PKNOX2: variants seen among roughly 807,000 people sequenced by gnomAD.
PKNOX2 encodes homeobox protein PKNOX2.
In PKNOX2, 14 loss-of-function variants were observed where a neutral mutation model predicts 53.1. That is an observed-to-expected ratio of 0.26 (90% confidence interval 0.17 to 0.41). The LOEUF is 0.41. PKNOX2 is among the 10% of genes least tolerant of loss of function. The pLI is 1.00. For missense variants in PKNOX2, 496 were observed against 602.8 expected, an observed-to-expected ratio of 0.82 and a Z score of 1.85; for synonymous variants, 257 against 242.8, an observed-to-expected ratio of 1.06 and a Z score of -0.54.
chr11:125,222,424 C>G (rs1396008320), intron 1 of PKNOX2, among the ~76,000 whole-genome samples: 2 of 151,940 alleles, frequency 1.3e-5, no homozygotes, highest in Non-Finnish European at 2.9e-5. Flanking sequence ...TTAGTTGAAC[C>G]CTGAATGATT....
At chr11:125,316,833 T>G (rs1949227085) in intron 2 of PKNOX2, among the ~76,000 whole-genome samples, 1 of 152,210 alleles carries the variant, frequency 6.6e-6, no homozygotes, top group Admixed American at 6.5e-5. Context: ...TGGCAATTTC[T>G]TAAAATAAGA....
intron 2 of PKNOX2, among the ~76,000 whole-genome samples, chr11:125,312,231 A>T (rs765278045): frequency 3.3e-5 from 5 of 152,216 alleles, no homozygotes; most frequent in Non-Finnish European, 7.3e-5. Context: ...GTTCAGTATG[A>T]TCGGGTCCCC....
At chr11:125,246,902 C>T (rs1336450447) in intron 2 of PKNOX2, among the ~76,000 whole-genome samples, 1 of 152,164 alleles carries the variant, frequency 6.6e-6, no homozygotes, top group African/African-American at 2.4e-5. Flanking sequence ...TCTCTCCTCC[C>T]TCTCTCATCA....
At chr11:125,364,765 C>G (rs1036896938) in intron 4 of PKNOX2, among the ~76,000 whole-genome samples, 3 of 152,184 alleles carry the variant, frequency 2.0e-5, no homozygotes, top group African/African-American at 7.2e-5. Flanking sequence ...TACTACACAT[C>G]GTCAAATTCG....
At chr11:125,258,250 T>G (rs1014505625) in intron 2 of PKNOX2, among the ~76,000 whole-genome samples, 1 of 151,952 alleles carries the variant, frequency 6.6e-6, no homozygotes, top group Non-Finnish European at 1.5e-5. Context: ...AAACCATAAC[T>G]TTTTCCCCCT....
intron 4 of PKNOX2, among the ~76,000 whole-genome samples, chr11:125,357,621 G>A (rs1051412146): frequency 1.3e-5 from 2 of 152,134 alleles, no homozygotes; most frequent in Admixed American, 6.5e-5. Context: ...TACATGCTCT[G>A]CCTGCCTTTC....
intron 2 of PKNOX2, among the ~76,000 whole-genome samples, chr11:125,293,789 T>C (rs535956497): frequency 6.7e-6 from 1 of 149,570 alleles, no homozygotes; most frequent in Non-Finnish European, 1.5e-5. Context: ...ACAGACACGC[T>C]CACACACACA....
intron 2 of PKNOX2, among the ~76,000 whole-genome samples, chr11:125,318,714 C>G (rs141088677): frequency 6.6e-6 from 1 of 152,128 alleles, no homozygotes; most frequent in Non-Finnish European, 1.5e-5. Context: ...TGATATGGTT[C>G]GGCTCTTTGT....
intron 3 of PKNOX2, among the ~76,000 whole-genome samples, chr11:125,335,789 G>T (rs1950406507): frequency 1.3e-5 from 2 of 152,092 alleles, no homozygotes; most frequent in African/African-American, 4.8e-5. Context: ...CTGTACTCCA[G>T]CCTGGGTGAC....
At chr11:125,356,724 C>A (rs924604656) in intron 4 of PKNOX2, among the ~76,000 whole-genome samples, 2 of 152,212 alleles carry the variant, frequency 1.3e-5, no homozygotes, top group Non-Finnish European at 2.9e-5. Context: ...TAGCACCATC[C>A]CCACTCCAGG....
At chr11:125,400,971 G>T (rs973776265) in intron 7 of PKNOX2, among the ~76,000 whole-genome samples, 1 of 152,032 alleles carries the variant, frequency 6.6e-6, no homozygotes, top group Admixed American at 6.6e-5. Flanking sequence ...CAGAGTCCTA[G>T]TGTACTCTCC....
At chr11:125,405,782 G>T (rs908049377) in intron 7 of PKNOX2, among the ~76,000 whole-genome samples, 2 of 152,202 alleles carry the variant, frequency 1.3e-5, no homozygotes, top group Non-Finnish European at 2.9e-5. Flanking sequence ...TCAATCAACA[G>T]CACACAAGGA....
intron 2 of PKNOX2, among the ~76,000 whole-genome samples, chr11:125,242,392 C>T (rs1250875578): frequency 6.6e-6 from 1 of 152,166 alleles, no homozygotes; most frequent in Non-Finnish European, 1.5e-5. Context: ...GGAAGCTAAG[C>T]CGCTCTGGGA....
Position 125,189,449 on chromosome 11 carries a change from A to G in PKNOX2, c.-201+24673A>G, listed in dbSNP as rs7935480. On this transcript the variant is annotated intron_variant, in intron 1 of 12. Transcript: ENST00000298282. ...TGTGTGTGTGTGTGTGTGTGTGTGT[A>G]TATATATATATATATATATATATAT... is the stretch of plus-strand genomic sequence containing the variant. Among the ~76,000 whole-genome samples the G allele has an allele frequency of 5.0e-3, 282 of 56,938 alleles. 1 individual carries two copies. The highest frequency in any genetic ancestry group is 0.02 in the African/African-American group (224 of 11,372). The allele number at this position is 56,938 out of a possible 152,430, so 37.4% of individuals were successfully genotyped here.
chr11:125,197,411 G>A (rs1022483013), intron 1 of PKNOX2, among the ~76,000 whole-genome samples: 1 of 152,148 alleles, frequency 6.6e-6, no homozygotes, highest in African/African-American at 2.4e-5. Flanking sequence ...TGAAGCCAAG[G>A]ATCAGGCCAC....
At chr11:125,429,318 C>T (rs1419363555) in intron 11 of PKNOX2, among the ~76,000 whole-genome samples, 1 of 152,220 alleles carries the variant, frequency 6.6e-6, no homozygotes, top group Non-Finnish European at 1.5e-5. Context: ...TTGTGTCAGG[C>T]ACATCCCTGG....
chr11:125,260,461 T>C (rs1483845747), intron 2 of PKNOX2, among the ~76,000 whole-genome samples: 1 of 152,030 alleles, frequency 6.6e-6, no homozygotes, highest in Non-Finnish European at 1.5e-5. Context: ...CCTCCCAAAG[T>C]GCTGGGATTA....
chr11:125,413,819 T>C (rs1221764518), intron 10 of PKNOX2, among the ~76,000 whole-genome samples: 1 of 148,764 alleles, frequency 6.7e-6, no homozygotes, highest in Admixed American at 6.6e-5. Context: ...ACCTACAACC[T>C]CACTTCTGAA....
intron 7 of PKNOX2, among the ~76,000 whole-genome samples, chr11:125,401,777 G>A (rs987948333): frequency 1.3e-5 from 2 of 151,924 alleles, no homozygotes; most frequent in African/African-American, 4.9e-5. Flanking sequence ...GTGTGTGTGT[G>A]TGTGTGTGTG....
Sources: gnomAD v4.1 joint callset for allele counts (sites outside exome capture counted in the v4.1 genomes callset) on GRCh38, gnomAD v4.1.1 for gene constraint, MANE v1.5 for transcripts, NCBI Gene and HGNC (gene_info 2026-07-23, HGNC 2026-07-21) for gene names.